Variants in NLRP4 observed in about 807,000 individuals in gnomAD.
NLRP4 encodes the protein NACHT, LRR and PYD domains-containing protein 4.
A neutral mutation model predicts 84.7 loss-of-function variants in NLRP4; 44 were observed. The ratio of observed to expected loss-of-function variants is 0.52; its 90% CI spans 0.41 to 0.67. The LOEUF (loss-of-function observed/expected upper bound fraction) is 0.67, where lower values mean the gene tolerates loss of function less well. Ranked by LOEUF, NLRP4 falls within the 30% of genes least tolerant of loss-of-function variation. The probability of loss-of-function intolerance (pLI) is 0.00; values close to 1 mark genes in which losing one functional copy is unlikely to be tolerated. For missense variants in NLRP4, 1,260 were observed against 1,219.4 expected (o/e 1.03, Z -0.50); for synonymous variants, 544 against 476.4 (o/e 1.14, Z -1.85).
Position 55,858,402 on chromosome 19 carries a change from A to C in NLRP4, c.1009A>C (p.Ile337Leu), listed in dbSNP as rs142911979. 11 of 1,614,088 alleles carry C rather than the reference A, an allele frequency of 6.8e-6. No homozygotes were observed. The highest frequency in any genetic ancestry group is 9.3e-6 in the Non-Finnish European group (11 of 1,180,054). The change falls in exon 3 of 10, where the codon ATA (isoleucine) becomes CTA (leucine). Residue 337 changes from isoleucine to leucine, a missense_variant. By Grantham distance (5) the Ile-to-Leu change is conservative. This residue lies in a region of NLRP4 where 712 missense variants were observed against 669.2 expected (regional missense o/e 1.06). Coordinates refer to ENST00000301295, the MANE Select transcript of NLRP4 (RefSeq NM_134444.5). The surrounding 1 kb of genome is among the most constrained non-coding windows in gnomAD (Gnocchi z 4.2). Reference protein sequence around the residue: ...LVRESEQLFSICQIPLLCWIL... With the variant: ...LVRESEQLFSLCQIPLLCWIL... ...AAGAGAAAGTGAACAGCTGTTTTCCATATGCCAAATCCCGCTCCTCTGCTG... is the reference window on the plus strand; with the variant it reads ...AAGAGAAAGTGAACAGCTGTTTTCCCTATGCCAAATCCCGCTCCTCTGCTG...
intron 2 of NLRP4, 178 bp from the exon 3 acceptor site, chr19:55,857,496 C>T (rs998570806): frequency 2.6e-5 from 16 of 607,892 alleles, no homozygotes; most frequent in Non-Finnish European, 2.9e-5. Context: ...ACAATATACC[C>T]GTGAATGGTG....
chr19:55,847,201 A>T (rs7249822), intron 1 of NLRP4, among the ~76,000 whole-genome samples: 16,310 of 152,194 alleles, frequency 0.11, 1,190 homozygotes, highest in African/African-American at 0.21. Flanking sequence ...TGAATAAAAC[A>T]GCTTTATTTT....
At chr19:55,843,534 T>C (rs1983690037) in intron 1 of NLRP4, among the ~76,000 whole-genome samples, 2 of 151,762 alleles carry the variant, frequency 1.3e-5, no homozygotes, top group South Asian at 4.2e-4. Context: ...CTACTAAAAA[T>C]ACAAAAAATT....
intron 9 of NLRP4, among the ~76,000 whole-genome samples, chr19:55,880,677 G>A (rs1188207856): frequency 6.6e-6 from 1 of 152,130 alleles, no homozygotes; most frequent in Non-Finnish European, 1.5e-5. Context: ...AAATGGAGAT[G>A]AGAGATATTA....
chr19:55,856,792 G>A (rs1220007078), intron 2 of NLRP4, among the ~76,000 whole-genome samples: 1 of 152,138 alleles, frequency 6.6e-6, no homozygotes, highest in Non-Finnish European at 1.5e-5. Context: ...GGGATTACAG[G>A]CATGAACCAC....
rs1169188828 is a variant in NLRP4 at position 55,852,269 on chromosome 19, T to C, written c.189T>C (p.Tyr63=). The C allele has an allele frequency of 1.9e-6, 3 of 1,607,698 alleles. No individual in the cohort carries two copies. Among genetic ancestry groups the C allele is most frequent in the Admixed American group, 1.7e-5 (1 of 58,310 alleles). Residue 63 remains tyrosine (Y), a synonymous_variant, in exon 2 of 10, where the codon TAT becomes TAC. Coordinates refer to ENST00000301295, the MANE Select transcript of NLRP4 (RefSeq NM_134444.5). ...EELANLLIKH[Y]EEQQAWNITL... ...TTGCAAACCTCTTGATCAAGCACTA[T>C]GAAGAACAACAAGCTTGGAACATAA...
chr19:55,850,498 C>T (rs1216558379), intron 1 of NLRP4, among the ~76,000 whole-genome samples: 2 of 64,032 alleles, frequency 3.1e-5, no homozygotes, highest in Non-Finnish European at 5.4e-5. Context: ...TCCGAGGCTG[C>T]GGTGTAATGT....
At chr19:55,854,641 GTT>G (rs1466842928) in intron 2 of NLRP4, among the ~76,000 whole-genome samples, 1 of 152,116 alleles carries the variant, frequency 6.6e-6, no homozygotes, top group Non-Finnish European at 1.5e-5. Flanking sequence ...TAATTTGAGA[GTT>G]TCCATTTTTG....
At position 55,852,234 on chromosome 19, in the gene NLRP4, C is replaced by T. The variant is rs773416396; in HGVS notation, c.154C>T (p.Arg52Trp). The change falls in exon 2 of 10, where the codon CGG (arginine) becomes TGG (tryptophan). Residue 52 changes from arginine (R) to tryptophan (W), a missense_variant. Arg to Trp is a moderately radical substitution (Grantham distance 101). Transcript: ENST00000301295. ...IPWTEVKKAS[R>W]EELANLLIKH... ...CTGGACTGAGGTCAAAAAAGCATCC[C>T]GGGAAGAACTTGCAAACCTCTTGAT... is the stretch of plus-strand genomic sequence containing the variant. 20 of 1,609,672 alleles carry T rather than the reference C, an allele frequency of 1.2e-5. No individual in the cohort carries two copies. The highest frequency in any genetic ancestry group is 1.7e-5 in the Non-Finnish European group (20 of 1,178,790).
intron 1 of NLRP4, among the ~76,000 whole-genome samples, chr19:55,845,697 T>C (rs1019173014): frequency 6.6e-6 from 1 of 151,548 alleles, no homozygotes; most frequent in Non-Finnish European, 1.5e-5. Flanking sequence ...TGTTGTTTCC[T>C]GACTTTTTAA....
At chr19:55,850,808 T>TC (rs1984083428) in intron 1 of NLRP4, among the ~76,000 whole-genome samples, 5 of 30,446 alleles carry the variant, frequency 1.6e-4, no homozygotes, top group African/African-American at 4.9e-4. Context: ...CGGTGTAATT[T>TC]CCGAGGCTGC....
chr19:55,845,424 CATT>C (rs577020490), intron 1 of NLRP4, among the ~76,000 whole-genome samples: 5,571 of 151,678 alleles, frequency 0.037, 234 homozygotes, highest in East Asian at 0.21. Flanking sequence ...TCCAGTCTAT[CATT>C]GTTGGACATT....
intron 3 of NLRP4, among the ~76,000 whole-genome samples, chr19:55,859,650 G>A (rs565824531): frequency 3.7e-4 from 56 of 152,122 alleles, no homozygotes; most frequent in African/African-American, 1.1e-3. Context: ...CATACAGCCC[G>A]GGTGTGGTGG....
chr19:55,867,564 T>C (rs1985008963), intron 5 of NLRP4, 145 bp from the exon 6 acceptor site: 1 of 667,518 alleles, frequency 1.5e-6, no homozygotes, highest in East Asian at 2.6e-5. Flanking sequence ...AGAGACTGGG[T>C]TGACAGGGAT....
Position 55,852,048 on chromosome 19 carries a change from T to C in NLRP4, c.-33T>C, listed in dbSNP as rs1325285541. ...TTATTTATTGTTCCTGGTCACTGTC[T>C]CTTTGAGGATTGGTATCTCTGCTCC... is the stretch of plus-strand genomic sequence containing the variant. On this transcript the variant is annotated 5_prime_UTR_variant, in exon 2 of 10. Coordinates refer to ENST00000301295, the MANE Select transcript of NLRP4 (RefSeq NM_134444.5). 7 of 1,540,934 alleles carry C rather than the reference T, an allele frequency of 4.5e-6. No homozygotes were observed. Among genetic ancestry groups the C allele is most frequent in the Non-Finnish European group, 5.3e-6 (6 of 1,137,190 alleles).
At position 55,858,259 on chromosome 19, in the gene NLRP4, A is replaced by G; in HGVS notation, c.866A>G (p.Asp289Gly). 1 of 1,614,188 alleles carries G rather than the reference A, an allele frequency of 6.2e-7. No homozygotes were observed. The highest frequency in any genetic ancestry group is 8.5e-7 in the Non-Finnish European group (1 of 1,180,040). ...CCCGTGTGCCCGAAGGAGCTCCGGG[A>G]TCAGGTGACGATCTCAGAAATCTAC... is the stretch of plus-strand genomic sequence containing the variant. Reference protein sequence around the residue: ...IKPVCPKELRDQVTISEIYQP... With the variant: ...IKPVCPKELRGQVTISEIYQP... Residue 289 changes from aspartate to glycine, a missense_variant, in exon 3 of 10, where the codon GAT becomes GGT. By Grantham distance (94) the Asp-to-Gly change is moderately conservative. This residue lies in a region of NLRP4 where 712 missense variants were observed against 669.2 expected (regional missense o/e 1.06). Transcript: ENST00000301295. The surrounding 1 kb of genome is among the most constrained non-coding windows in gnomAD (Gnocchi z 4.2).
At position 55,852,348 on chromosome 19, in the gene NLRP4, A is replaced by AG; in HGVS notation, c.271dup (p.Glu91GlyfsTer28). 6.2e-7 allele frequency: 1 copy of AG among 1,601,136 alleles called. No individual in the cohort carries two copies. The highest frequency in any genetic ancestry group is 8.5e-7 in the Non-Finnish European group (1 of 1,175,798). On this transcript the variant is annotated frameshift_variant, in exon 2 of 10. Coordinates refer to ENST00000301295, the MANE Select transcript of NLRP4 (RefSeq NM_134444.5). LOFTEE classifies it high-confidence loss of function. ...AAAGGATCTCTGCATGAAGGTCATGAGGGAGAGAACAGGTGAGGGAGTCTG... is the reference window on the plus strand; with the variant it reads ...AAAGGATCTCTGCATGAAGGTCATGAGGGGAGAGAACAGGTGAGGGAGTCTG...
chr19:55,841,585 G>A (rs1026691609), intron 1 of NLRP4, among the ~76,000 whole-genome samples: 3 of 152,130 alleles, frequency 2.0e-5, no homozygotes, highest in Non-Finnish European at 4.4e-5. Flanking sequence ...GCTGCAGGCC[G>A]GGTGCGGTGG....
At chr19:55,876,255 C>T (rs1269622666) in intron 7 of NLRP4, among the ~76,000 whole-genome samples, 8 of 152,158 alleles carry the variant, frequency 5.3e-5, no homozygotes, top group Admixed American at 3.3e-4. Flanking sequence ...GATGCTGAGA[C>T]AATTCAGTTG....
Sources: allele counts gnomAD v4.1 joint callset (sites outside exome capture counted in the v4.1 genomes callset), GRCh38; gene constraint gnomAD v4.1.1; regional missense constraint gnomAD v4.1.1; non-coding constraint Gnocchi (gnomAD v3.1); transcripts MANE v1.5; gene names NCBI Gene and HGNC (gene_info 2026-07-23, HGNC 2026-07-21).